The following HNF4G variants were observed in gnomAD, a reference collection of about 807,000 sequenced individuals.
HNF4G encodes the protein hepatocyte nuclear factor 4-gamma.
In HNF4G, 21 loss-of-function variants were observed where a neutral mutation model predicts 50.9. The ratio of observed to expected loss-of-function variants is 0.41; its 90% CI spans 0.29 to 0.59. The LOEUF (loss-of-function observed/expected upper bound fraction) is 0.59, where lower values mean the gene tolerates loss of function less well. Ranked by LOEUF, HNF4G falls within the 20% of genes least tolerant of loss-of-function variation. The pLI is 0.26. For missense variants in HNF4G, 527 were observed against 559.4 expected, an observed-to-expected ratio of 0.94 and a Z score of 0.58; for synonymous variants, 198 against 185.6, an observed-to-expected ratio of 1.07 and a Z score of -0.54.
intron 2 of HNF4G, among the ~76,000 whole-genome samples, chr8:75,508,171 A>G (rs961796084): frequency 3.3e-5 from 5 of 152,186 alleles, no homozygotes; most frequent in Non-Finnish European, 7.3e-5. Flanking sequence ...GTATACAGAA[A>G]AATCCATCCT....
intron 1 of HNF4G, among the ~76,000 whole-genome samples, chr8:75,447,545 C>T (rs1305655828): frequency 1.4e-5 from 2 of 147,378 alleles, no homozygotes; most frequent in Admixed American, 6.7e-5. Context: ...TGACAAAGGG[C>T]TAATATCCAG....
chr8:75,477,162 A>C (rs183521310), intron 1 of HNF4G, among the ~76,000 whole-genome samples: 4 of 152,306 alleles, frequency 2.6e-5, no homozygotes, highest in Admixed American at 2.6e-4. Flanking sequence ...TTGCTTCAAG[A>C]GTCTGAAATA....
At chr8:75,474,976 G>A (rs1027730831) in intron 1 of HNF4G, among the ~76,000 whole-genome samples, 10 of 151,506 alleles carry the variant, frequency 6.6e-5, no homozygotes, top group African/African-American at 2.2e-4. Flanking sequence ...GATTACAGGT[G>A]TGAGCCACTG....
chr8:75,480,269 C>T (rs143565333), intron 1 of HNF4G, among the ~76,000 whole-genome samples: 38 of 152,230 alleles, frequency 2.5e-4, no homozygotes, highest in African/African-American at 8.7e-4. Flanking sequence ...CTTCTTTGAG[C>T]AGCGCACATT....
intron 2 of HNF4G, among the ~76,000 whole-genome samples, chr8:75,525,901 GAAAC>G (rs578098267): frequency 2.7e-4 from 41 of 152,088 alleles, no homozygotes; most frequent in African/African-American, 8.4e-4. Context: ...GGTGGATGAG[GAAAC>G]AAACAAACAA....
chr8:75,511,622 C>T (rs572724688), intron 2 of HNF4G, among the ~76,000 whole-genome samples: 49 of 152,318 alleles, frequency 3.2e-4, no homozygotes, highest in African/African-American at 1.1e-3. Flanking sequence ...GACGAAGTCT[C>T]GCTCTGTCGC....
chr8:75,530,577 C>T (rs2130765233), intron 2 of HNF4G, among the ~76,000 whole-genome samples: 1 of 152,134 alleles, frequency 6.6e-6, no homozygotes, highest in African/African-American at 2.4e-5. Context: ...TTTAGGGTAA[C>T]TTTAGGTTTA....
intron 1 of HNF4G, among the ~76,000 whole-genome samples, chr8:75,472,148 A>G (rs1325261615): frequency 1.3e-5 from 2 of 151,540 alleles, no homozygotes; most frequent in Non-Finnish European, 2.9e-5. Context: ...CCTCTTTCCC[A>G]CCTCCTGTCT....
chr8:75,492,551 CACA>C (rs1297241514), intron 2 of HNF4G, among the ~76,000 whole-genome samples: 1 of 152,122 alleles, frequency 6.6e-6, no homozygotes. Context: ...TGGCCTTCAC[CACA>C]ACTTCTTTGT....
At chr8:75,559,307 C>A (rs1807234804) in intron 8 of HNF4G, among the ~76,000 whole-genome samples, 2 of 150,544 alleles carry the variant, frequency 1.3e-5, no homozygotes, top group African/African-American at 4.9e-5. Flanking sequence ...CAGAGTCTCG[C>A]TCAGTCGCCA....
At chr8:75,535,460 A>G (rs894074430), upstream of HNF4G, among the ~76,000 whole-genome samples, 11 of 151,766 alleles carry the variant, frequency 7.2e-5, no homozygotes, top group Non-Finnish European at 1.5e-4. Context: ...TCCTGCTTAC[A>G]CTGAAAAATA....
At chr8:75,416,093 T>C (rs1246853099) in intron 1 of HNF4G, among the ~76,000 whole-genome samples, 1 of 152,252 alleles carries the variant, frequency 6.6e-6, no homozygotes, top group African/African-American at 2.4e-5. Flanking sequence ...AGTAAAATGA[T>C]ATGTTAGTTA....
In HNF4G at chr8:75,559,014, T is replaced by A. The variant is rs1211938901; in HGVS notation, c.1100T>A (p.Leu367Gln). ...KLFGMVKIDN[L>Q]LQEMLLGGAS... ...TTTGGGATGGTTAAAATTGACAATC[T>A]ACTTCAGGAAATGCTATTAGGTGGT... Residue 367 changes from leucine to glutamine, a missense_variant, in exon 8 of 10, where the codon CTA becomes CAA. By Grantham distance (113) the Leu-to-Gln change is moderately radical. This residue lies in a region of HNF4G where 308 missense variants were observed against 301.5 expected (regional missense o/e 1.02). Coordinates refer to ENST00000396423, the MANE Select transcript of HNF4G (RefSeq NM_004133.5). 6.3e-7 allele frequency: 1 copy of A among 1,596,030 alleles called. No individual in the cohort carries two copies. Among genetic ancestry groups the A allele is most frequent in the African/African-American group, 1.3e-5 (1 of 74,508 alleles).
At chr8:75,443,502 A>T (rs549374222) in intron 1 of HNF4G, among the ~76,000 whole-genome samples, 120 of 152,202 alleles carry the variant, frequency 7.9e-4, no homozygotes, top group Non-Finnish European at 5.1e-4. Context: ...GAAGAATTCT[A>T]TAAAATTTAA....
intron 1 of HNF4G, among the ~76,000 whole-genome samples, chr8:75,542,897 G>A (rs891071728): frequency 2.6e-5 from 4 of 152,118 alleles, no homozygotes; most frequent in African/African-American, 9.7e-5. Flanking sequence ...AATTAAATAT[G>A]TATTTCAGGC....
At chr8:75,563,745 A>T (rs1807385230) in intron 9 of HNF4G, among the ~76,000 whole-genome samples, 1 of 152,124 alleles carries the variant, frequency 6.6e-6, no homozygotes. Flanking sequence ...CTATGAAAAA[A>T]ATTTTTTAAC....
chr8:75,481,445 G>A (rs1435252562), intron 1 of HNF4G, among the ~76,000 whole-genome samples: 5 of 152,060 alleles, frequency 3.3e-5, no homozygotes, highest in African/African-American at 1.2e-4. Context: ...TGAATTATCA[G>A]CCAGGAAAAA....
chr8:75,525,659 A>T (rs1477808862), intron 2 of HNF4G, among the ~76,000 whole-genome samples: 1 of 152,190 alleles, frequency 6.6e-6, no homozygotes, highest in Admixed American at 6.5e-5. Flanking sequence ...GTCCACACGT[A>T]CATTGTTGTG....
chr8:75,525,110 A>G (rs115121025), intron 2 of HNF4G, among the ~76,000 whole-genome samples: 51 of 152,298 alleles, frequency 3.3e-4, no homozygotes, highest in African/African-American at 1.2e-3. Context: ...CACACTGGGA[A>G]CTAATGAGAC....
Sources: gnomAD v4.1 joint callset for allele counts (sites outside exome capture counted in the v4.1 genomes callset) on GRCh38, gnomAD v4.1.1 for gene constraint, gnomAD v4.1.1 regional missense constraint, MANE v1.5 for transcripts, NCBI Gene and HGNC (gene_info 2026-07-23, HGNC 2026-07-21) for gene names.